Variants in MAP2K5 observed in about 807,000 individuals in gnomAD.
MAP2K5 encodes the protein dual specificity mitogen-activated protein kinase kinase 5.
In MAP2K5, 49 loss-of-function variants were observed where a neutral mutation model predicts 83.1. That is an observed-to-expected ratio of 0.59 (90% confidence interval 0.47 to 0.75). The LOEUF is 0.75. Among genes scored for constraint, MAP2K5 ranks in the 30% least tolerant of loss-of-function variants. The probability of loss-of-function intolerance (pLI) is 0.00; values close to 1 mark genes in which losing one functional copy is unlikely to be tolerated. For synonymous variants in MAP2K5, 202 were observed against 191.8 expected (o/e 1.05, Z -0.44); for missense variants, 457 against 557.5 (o/e 0.82, Z 1.82).
At chr15:67,568,227 C>G (rs755661687) in intron 3 of MAP2K5, among the ~76,000 whole-genome samples, 2 of 152,080 alleles carry the variant, frequency 1.3e-5, no homozygotes, top group Non-Finnish European at 2.9e-5. Context: ...TACAAGAGTC[C>G]TTATATTTAA....
rs2084539802 is a variant in MAP2K5 at position 67,552,809 on chromosome 15, T to C, written c.184+2727T>C. 6.6e-6 allele frequency among the ~76,000 whole-genome samples: 1 copy of C among 152,170 alleles called. No homozygotes were observed. Among genetic ancestry groups the C allele is most frequent in the South Asian group, 2.1e-4 (1 of 4,826 alleles). On this transcript the variant is annotated intron_variant, in intron 2 of 21. Coordinates refer to ENST00000178640, the MANE Select transcript of MAP2K5 (RefSeq NM_145160.3). This position sits in a 1 kb window ranked among gnomAD's most constrained non-coding sequence, Gnocchi z 4.2. Reference sequence around the variant, plus strand: ...AAATCTTTAAGCAACTTGCTGAAAGTCTCTCAGCTGTTAAGTGGTAAAGTG... The same window carrying C: ...AAATCTTTAAGCAACTTGCTGAAAGCCTCTCAGCTGTTAAGTGGTAAAGTG...
Position 67,781,170 on chromosome 15 carries a change from C to T in MAP2K5, c.1242+8418C>T, listed in dbSNP as rs1367776780. On this transcript the variant is annotated intron_variant, in intron 21 of 21. Transcript: ENST00000178640. This position sits in a 1 kb window ranked among gnomAD's most constrained non-coding sequence, Gnocchi z 4.0. ...AATATAAAAGGATCCTAAAGCTAGT[C>T]CCTGGGATTTGGGAATTGCTGTTGA... Among the ~76,000 whole-genome samples the T allele has an allele frequency of 1.3e-5, 2 of 152,178 alleles. No homozygotes were observed. The highest frequency in any genetic ancestry group is 2.9e-5 in the Non-Finnish European group (2 of 68,032).
intron 7 of MAP2K5, among the ~76,000 whole-genome samples, chr15:67,598,972 A>C (rs2085590766): frequency 6.6e-6 from 1 of 152,220 alleles, no homozygotes; most frequent in South Asian, 2.1e-4. Context: ...GTTCTAAGGG[A>C]ATTAGCCCCA....
chr15:67,773,042 T>A (rs1007967746), intron 21 of MAP2K5, among the ~76,000 whole-genome samples: 2 of 152,172 alleles, frequency 1.3e-5, no homozygotes, highest in African/African-American at 4.8e-5. Flanking sequence ...ATTAAACCTT[T>A]TAGAATTCAG....
intron 8 of MAP2K5, among the ~76,000 whole-genome samples, chr15:67,611,866 T>C (rs1251344016): frequency 6.6e-6 from 1 of 152,188 alleles, no homozygotes; most frequent in Non-Finnish European, 1.5e-5. Flanking sequence ...ATACTTCAGC[T>C]GTACTTTGAA....
Position 67,736,635 on chromosome 15 carries a change from A to G in MAP2K5, c.1074+8690A>G, listed in dbSNP as rs370012889. 2.0e-5 allele frequency among the ~76,000 whole-genome samples: 3 copies of G among 152,198 alleles called. No individual in the cohort carries two copies. The highest frequency in any genetic ancestry group is 3.8e-4 in the East Asian group (2 of 5,198). On this transcript the variant is annotated intron_variant, in intron 17 of 21. Coordinates refer to ENST00000178640, the MANE Select transcript of MAP2K5 (RefSeq NM_145160.3). This position sits in a 1 kb window ranked among gnomAD's most constrained non-coding sequence, Gnocchi z 4.3. ...ATAATTTATCATTCACAATCACCATATAATATATAGAATTATATACAGAAT... is the reference window on the plus strand; with the variant it reads ...ATAATTTATCATTCACAATCACCATGTAATATATAGAATTATATACAGAAT...
Position 67,802,901 on chromosome 15 carries a change from G to A in MAP2K5, c.1243-3745G>A, listed in dbSNP as rs746548739. Among the ~76,000 whole-genome samples the A allele has an allele frequency of 1.9e-4, 29 of 152,212 alleles. No individual in the cohort carries two copies. Among genetic ancestry groups the A allele is most frequent in the Non-Finnish European group, 3.4e-4 (23 of 68,038 alleles). ...GCCCAGGGGAGGGACCAGCCGCAGG[G>A]GCTGGAGACTGCAAGGAGCCTCGAG... On this transcript the variant is annotated intron_variant, in intron 21 of 21. Transcript: ENST00000178640. This position sits in a 1 kb window ranked among gnomAD's most constrained non-coding sequence, Gnocchi z 5.0.
In MAP2K5 at chr15:67,764,026, T is replaced by C. The variant is rs2089998989; in HGVS notation, c.1135-5576T>C. Among the ~76,000 whole-genome samples, 1 of 152,202 alleles carries C rather than the reference T, an allele frequency of 6.6e-6. No individual in the cohort carries two copies. Among genetic ancestry groups the C allele is most frequent in the Non-Finnish European group, 1.5e-5 (1 of 68,040 alleles). ...TCAGACTACAGGTGATTTTCTGGTG[T>C]TGAACACCTGTTGGCTTGGTGGCTT... On this transcript the variant is annotated intron_variant, in intron 19 of 21. Transcript: ENST00000178640. This position sits in a 1 kb window ranked among gnomAD's most constrained non-coding sequence, Gnocchi z 4.9.
chr15:67,625,348 T>C (rs2141075740), intron 8 of MAP2K5, among the ~76,000 whole-genome samples: 1 of 152,348 alleles, frequency 6.6e-6, no homozygotes, highest in African/African-American at 2.4e-5. Context: ...AGGCCTGTGC[T>C]GGTCACAAAC....
At chr15:67,635,355 T>C (rs1417725246) in intron 9 of MAP2K5, among the ~76,000 whole-genome samples, 1 of 151,948 alleles carries the variant, frequency 6.6e-6, no homozygotes, top group Non-Finnish European at 1.5e-5. Flanking sequence ...TTTTCTACTT[T>C]TAGTAGAGAT....
At chr15:67,692,391 C>A in intron 13 of MAP2K5, 88 bp from the exon 14 acceptor site, 1 of 794,992 alleles carries the variant, frequency 1.3e-6, no homozygotes, top group Non-Finnish European at 2.1e-6. Flanking sequence ...ATTTCTGCAA[C>A]TTGGTGTGGT....
chr15:67,563,145 A>G lies in MAP2K5; in HGVS notation c.185-138A>G. On this transcript the variant is annotated intron_variant, in intron 2 of 21. Coordinates refer to ENST00000178640, the MANE Select transcript of MAP2K5 (RefSeq NM_145160.3). This position sits in a 1 kb window ranked among gnomAD's most constrained non-coding sequence, Gnocchi z 4.5. ...TTCCAAATGGAAAACAAAACAACAA[A>G]CTAATAATGTCAACATACCCCCAAA... 6.7e-6 allele frequency: 6 copies of G among 900,614 alleles called. No homozygotes were observed. The highest frequency in any genetic ancestry group is 9.4e-6 in the Non-Finnish European group (6 of 636,016). The allele number at this position is 900,614 out of a possible 1,614,324, so 55.8% of individuals were successfully genotyped here.
intron 13 of MAP2K5, among the ~76,000 whole-genome samples, chr15:67,681,772 A>G (rs971523069): frequency 6.6e-6 from 1 of 152,270 alleles, no homozygotes; most frequent in Non-Finnish European, 1.5e-5. Context: ...AAAAGGACCC[A>G]TAATTCCAGG....
intron 8 of MAP2K5, among the ~76,000 whole-genome samples, chr15:67,611,041 G>A (rs2085910669): frequency 6.6e-6 from 1 of 152,164 alleles, no homozygotes; most frequent in South Asian, 2.1e-4. Context: ...CAAGCTTAAT[G>A]TATTTGGAAG....
intron 8 of MAP2K5, among the ~76,000 whole-genome samples, chr15:67,624,061 C>T (rs1045565021): frequency 3.3e-5 from 5 of 151,306 alleles, no homozygotes; most frequent in South Asian, 2.1e-4. Context: ...AGAGCTAGGC[C>T]GGGCGCAGTG....
At chr15:67,754,048 C>T (rs1029628192) in intron 19 of MAP2K5, among the ~76,000 whole-genome samples, 1 of 152,120 alleles carries the variant, frequency 6.6e-6, no homozygotes, top group Admixed American at 6.5e-5. Flanking sequence ...AGAAACCAGA[C>T]ACAAAAAGCC....
intron 16 of MAP2K5, among the ~76,000 whole-genome samples, chr15:67,723,286 A>G (rs542006300): frequency 1.3e-5 from 2 of 152,334 alleles, no homozygotes; most frequent in African/African-American, 4.8e-5. Context: ...GCACAGGCAC[A>G]CATACAAATA....
chr15:67,672,758 A>T (rs1165154504), intron 13 of MAP2K5, among the ~76,000 whole-genome samples: 5 of 138,358 alleles, frequency 3.6e-5, no homozygotes, highest in South Asian at 2.5e-4. Context: ...CTGAATGGTA[A>T]TGCCTAGGTT....
chr15:67,705,989 C>G (rs1009816606), intron 16 of MAP2K5, among the ~76,000 whole-genome samples: 1 of 152,032 alleles, frequency 6.6e-6, no homozygotes, highest in Non-Finnish European at 1.5e-5. Flanking sequence ...CCTTGTAGGC[C>G]ATGCTAAGGA....
Sources: allele counts gnomAD v4.1 joint callset (sites outside exome capture counted in the v4.1 genomes callset), GRCh38; gene constraint gnomAD v4.1.1; non-coding constraint Gnocchi (gnomAD v3.1); transcripts MANE v1.5; gene names NCBI Gene and HGNC (gene_info 2026-07-23, HGNC 2026-07-21).